The following TNFRSF11B variants were observed in gnomAD, a reference collection of about 807,000 sequenced individuals.
The protein encoded by TNFRSF11B is TNF receptor superfamily member 11b.
A neutral mutation model predicts 43.4 loss-of-function variants in TNFRSF11B; 16 were observed. That is an observed-to-expected ratio of 0.37 (90% CI 0.25 to 0.56). TNFRSF11B has a LOEUF of 0.56. TNFRSF11B is among the 20% of genes least tolerant of loss of function. The pLI is 0.80. For missense variants in TNFRSF11B, 444 were observed against 490.1 expected, an observed-to-expected ratio of 0.91 and a Z score of 0.89; for synonymous variants, 185 against 181.8, an observed-to-expected ratio of 1.02 and a Z score of -0.14.
chr8:118,932,077 A>G (rs1812337919), intron 2 of TNFRSF11B, among the ~76,000 whole-genome samples: 2 of 152,180 alleles, frequency 1.3e-5, no homozygotes, highest in Non-Finnish European at 2.9e-5. Flanking sequence ...TCAGTTGAGA[A>G]ACACTGCTTC....
intron 1 of TNFRSF11B, among the ~76,000 whole-genome samples, chr8:118,935,760 A>G (rs1285708914): frequency 6.6e-6 from 1 of 152,184 alleles, no homozygotes; most frequent in African/African-American, 2.4e-5. Flanking sequence ...CTGGAAAGCC[A>G]CTTTTGAGAG....
intron 1 of TNFRSF11B, among the ~76,000 whole-genome samples, chr8:118,947,838 C>T (rs1044560910): frequency 2.6e-5 from 4 of 152,150 alleles, no homozygotes; most frequent in African/African-American, 4.8e-5. Flanking sequence ...CAATATTACA[C>T]GTGTTCCCCA....
chr8:118,938,111 AAGG>A (rs1812428554), intron 1 of TNFRSF11B, among the ~76,000 whole-genome samples: 2 of 152,126 alleles, frequency 1.3e-5, no homozygotes, highest in South Asian at 2.1e-4. Flanking sequence ...AGAAGAAAAA[AAGG>A]AGTATTTTGA....
chr8:118,936,211 A>G (rs1400387610), intron 1 of TNFRSF11B, among the ~76,000 whole-genome samples: 1 of 152,234 alleles, frequency 6.6e-6, no homozygotes, highest in Non-Finnish European at 1.5e-5. Context: ...AATAAGGTCA[A>G]CTTAAGAATT....
intron 1 of TNFRSF11B, among the ~76,000 whole-genome samples, chr8:118,947,571 T>C (rs1812583494): frequency 6.6e-6 from 1 of 152,180 alleles, no homozygotes; most frequent in African/African-American, 2.4e-5. Context: ...CACACATTCA[T>C]GTCCTATTGA....
intron 1 of TNFRSF11B, among the ~76,000 whole-genome samples, chr8:118,939,387 A>G (rs1812447016): frequency 6.6e-6 from 1 of 152,240 alleles, no homozygotes; most frequent in Non-Finnish European, 1.5e-5. Flanking sequence ...CTGATTTAAA[A>G]TACTCACAGA....
At chr8:118,926,457 G>T (rs1198776708) in intron 4 of TNFRSF11B, 37 bp downstream of exon 4, 3 of 1,558,584 alleles carry the variant, frequency 1.9e-6, no homozygotes, top group South Asian at 1.1e-5. Flanking sequence ...AGGTGTCTTT[G>T]ATTTCTGATT....
intron 1 of TNFRSF11B, among the ~76,000 whole-genome samples, chr8:118,948,604 GCTT>G (rs1812598930): frequency 1.3e-5 from 1 of 76,740 alleles, no homozygotes; most frequent in Non-Finnish European, 2.2e-5. Context: ...TGTAGTTTCA[GCTT>G]AAGTAAAATT....
intron 3 of TNFRSF11B, among the ~76,000 whole-genome samples, chr8:118,927,013 T>TAATG (rs1812254782): frequency 6.6e-6 from 1 of 152,184 alleles, no homozygotes; most frequent in Admixed American, 6.6e-5. Flanking sequence ...AAAATTCTTA[T>TAATG]AATGAATACA....
Position 118,932,927 on chromosome 8 carries a change from G to T in TNFRSF11B, c.400+4C>A. ...AATTAATTTTGCTGCACATTGACAC[G>T]TACCAGCTTGCACCACTCCAAATCC... On this transcript the variant is annotated splice_donor_region_variant and intron_variant, in intron 2 of 4. Coordinates refer to ENST00000297350, the MANE Select transcript of TNFRSF11B (RefSeq NM_002546.4). The T allele has an allele frequency of 1.2e-6, 2 of 1,613,966 alleles. No homozygotes were observed. The highest frequency in any genetic ancestry group is 2.7e-5 in the African/African-American group (2 of 75,014).
At chr8:118,932,862 TCTC>T (rs1169819942) in intron 2 of TNFRSF11B, 66 bp downstream of exon 2, 7 of 1,601,042 alleles carry the variant, frequency 4.4e-6, no homozygotes, top group Non-Finnish European at 6.0e-6. Flanking sequence ...ACAAAAGTGT[TCTC>T]CTAAACTGTC....
chr8:118,926,708 C>G lies in TNFRSF11B; in HGVS notation c.603G>C (p.Leu201=), dbSNP rs750987558. 1 of 1,613,660 alleles carries G rather than the reference C, an allele frequency of 6.2e-7. No individual in the cohort carries two copies. The highest frequency in any genetic ancestry group is 8.5e-7 in the Non-Finnish European group (1 of 1,179,760). ...STQKCGIDVT[L]CEEAFFRFAV... ...CAAACCTGAAGAATGCCTCCTCACA[C>G]AGGGTAACATCTAAAGAAAGGTTAG... The change falls in exon 4 of 5, where the codon CTG becomes CTC. Residue 201 remains leucine, a synonymous_variant. Coordinates refer to ENST00000297350, the MANE Select transcript of TNFRSF11B (RefSeq NM_002546.4).
At position 118,932,927 on chromosome 8, in the gene TNFRSF11B, G is replaced by A. The variant is rs1564858; in HGVS notation, c.400+4C>T. ...AATTAATTTTGCTGCACATTGACAC[G>A]TACCAGCTTGCACCACTCCAAATCC... On this transcript the variant is annotated splice_donor_region_variant and intron_variant, in intron 2 of 4. Coordinates refer to ENST00000297350, the MANE Select transcript of TNFRSF11B (RefSeq NM_002546.4). The A allele has an allele frequency of 0.12, 193,407 of 1,613,884 alleles. 12,614 individuals are homozygous for A. The highest frequency in any genetic ancestry group is 0.14 in the South Asian group (12,727 of 91,064).
At chr8:118,944,234 C>A (rs1812528033) in intron 1 of TNFRSF11B, among the ~76,000 whole-genome samples, 2 of 152,132 alleles carry the variant, frequency 1.3e-5, no homozygotes, top group African/African-American at 4.8e-5. Context: ...CCTAGTTGGT[C>A]TGCTGAAGAC....
Position 118,923,585 on chromosome 8 carries a change from G to A in TNFRSF11B, c.*789C>T, listed in dbSNP as rs533843332. On this transcript the variant is annotated 3_prime_UTR_variant, in exon 5 of 5. Transcript: ENST00000297350. ...AAAATAATTTGAAAACTTTAATAATGTCATTTATATAGTTATAAAACCATA... is the reference window on the plus strand; with the variant it reads ...AAAATAATTTGAAAACTTTAATAATATCATTTATATAGTTATAAAACCATA... The A allele has an allele frequency of 2.6e-5, 4 of 152,606 alleles. No individual in the cohort carries two copies. In the East Asian group the frequency reaches 7.7e-4, roughly 29 times the overall value. The allele number at this position is 152,606 out of a possible 1,614,324, so 9.5% of individuals were successfully genotyped here. A position where few individuals can be genotyped will look rare whatever the true frequency, so the allele number is the denominator to read the frequency against.
At position 118,939,682 on chromosome 8, in the gene TNFRSF11B, C is replaced by A. The variant is rs1812452732; in HGVS notation, c.31-6382G>T. Among the ~76,000 whole-genome samples, 3 of 152,198 alleles carry A rather than the reference C, an allele frequency of 2.0e-5. No homozygotes were observed. The South Asian group carries it at 6.2e-4, about 32-fold the overall frequency. On this transcript the variant is annotated intron_variant, in intron 1 of 4. Transcript: ENST00000297350. ...AAGGAATTTGGTTTGGAACATCTAT[C>A]TGCCTTCTATATGAGACTCAAGTGA...
intron 1 of TNFRSF11B, among the ~76,000 whole-genome samples, chr8:118,934,881 A>G (rs1812380669): frequency 1.3e-5 from 2 of 152,206 alleles, no homozygotes; most frequent in African/African-American, 2.4e-5. Flanking sequence ...GCAAAGATAA[A>G]GAATGGCCTT....
At chr8:118,938,688 A>T (rs1483001895) in intron 1 of TNFRSF11B, among the ~76,000 whole-genome samples, 3 of 152,158 alleles carry the variant, frequency 2.0e-5, no homozygotes, top group Admixed American at 1.3e-4. Context: ...GTCCAGATAA[A>T]CTGACCTTGA....
At chr8:118,941,003 T>C (rs1812477105) in intron 1 of TNFRSF11B, among the ~76,000 whole-genome samples, 2 of 152,200 alleles carry the variant, frequency 1.3e-5, no homozygotes, top group South Asian at 4.1e-4. Flanking sequence ...ATCATTAGGA[T>C]CATTGGAATT....
Sources: gnomAD v4.1 joint callset for allele counts (sites outside exome capture counted in the v4.1 genomes callset) on GRCh38, gnomAD v4.1.1 for gene constraint, MANE v1.5 for transcripts, NCBI Gene and HGNC (gene_info 2026-07-23, HGNC 2026-07-21) for gene names.